CDH8: variants seen among roughly 807,000 people sequenced by gnomAD.
The protein encoded by CDH8 is cadherin 8, also known as cadherin-8.
A neutral mutation model predicts 68.1 loss-of-function variants in CDH8; 17 were observed. The ratio of observed to expected loss-of-function variants is 0.25; its 90% CI spans 0.17 to 0.37. The LOEUF (loss-of-function observed/expected upper bound fraction) is 0.37. CDH8 is among the 10% of genes least tolerant of loss of function. CDH8 has a pLI of 1.00. For synonymous variants in CDH8, 372 were observed against 365.1 expected, an observed-to-expected ratio of 1.02 and a Z score of -0.21; for missense variants, 763 against 999.3, an observed-to-expected ratio of 0.76 and a Z score of 3.19.
intron 8 of CDH8, among the ~76,000 whole-genome samples, chr16:61,786,905 G>T (rs1294739447): frequency 2.2e-5 from 1 of 45,176 alleles, no homozygotes; most frequent in Non-Finnish European, 4.2e-5. Context: ...AGCTGAAACT[G>T]GATCCCTTCC....
chr16:61,743,859 T>C (rs1423950002), intron 8 of CDH8, among the ~76,000 whole-genome samples: 1 of 152,192 alleles, frequency 6.6e-6, no homozygotes, highest in Non-Finnish European at 1.5e-5. Flanking sequence ...TTGCTATCAT[T>C]CATTTTTTAA....
At chr16:61,753,223 C>T (rs8061672) in intron 8 of CDH8, among the ~76,000 whole-genome samples, 85,148 of 151,156 alleles carry the variant, frequency 0.56, 26,233 homozygotes, top group African/African-American at 0.83. Flanking sequence ...TTATTATTGA[C>T]GCTTGATATT....
chr16:62,030,495 G>A (rs999406724), intron 1 of CDH8, among the ~76,000 whole-genome samples: 35 of 151,912 alleles, frequency 2.3e-4, no homozygotes, highest in African/African-American at 6.8e-4. Context: ...ATGTGCCTTC[G>A]TACTTTATAA....
At chr16:61,799,646 T>C (rs1260074076) in intron 7 of CDH8, among the ~76,000 whole-genome samples, 3 of 152,128 alleles carry the variant, frequency 2.0e-5, no homozygotes, top group Admixed American at 2.0e-4. Context: ...AGGATGGTGA[T>C]ATTTGATTAT....
At chr16:61,815,854 G>A (rs369863462) in intron 7 of CDH8, among the ~76,000 whole-genome samples, 1 of 152,032 alleles carries the variant, frequency 6.6e-6, no homozygotes, top group East Asian at 1.9e-4. Flanking sequence ...GAACAGGGCA[G>A]ATTCATCCAC....
intron 8 of CDH8, among the ~76,000 whole-genome samples, chr16:61,744,679 A>C (rs564466161): frequency 1.3e-5 from 2 of 151,542 alleles, no homozygotes; most frequent in South Asian, 4.2e-4. Flanking sequence ...CCATTTCCCC[A>C]TTATTATATT....
chr16:61,703,511 T>C (rs1964471789), intron 10 of CDH8, among the ~76,000 whole-genome samples: 2 of 152,204 alleles, frequency 1.3e-5, no homozygotes, highest in African/African-American at 4.8e-5. Flanking sequence ...AAGTTACTTT[T>C]TATTTCTTTA....
intron 10 of CDH8, among the ~76,000 whole-genome samples, chr16:61,671,370 A>G (rs1963790589): frequency 6.6e-6 from 1 of 151,372 alleles, no homozygotes; most frequent in Non-Finnish European, 1.5e-5. Context: ...GGAAGCTATT[A>G]TGCTCTGGAT....
rs1156492611 is a variant in CDH8, at chr16:61,960,332, T to TAC, written c.253-58861_253-58860dup. Among the ~76,000 whole-genome samples, 2 of 72,340 alleles carry TAC rather than the reference T, an allele frequency of 2.8e-5. 1 individual carries two copies. Among genetic ancestry groups the TAC allele is most frequent in the African/African-American group, 1.9e-4 (2 of 10,744 alleles). The allele number at this position is 72,340 out of a possible 152,430, so 47.5% of individuals were successfully genotyped here. The stretch of plus-strand genomic sequence containing the variant: ...ACACACATATATACGTGTGTGTGTA[T>TAC]ACACACATATATACATGTGTGTGTG... On this transcript the variant is annotated intron_variant, in intron 2 of 11. Transcript: ENST00000577390.
At chr16:61,897,275 C>T (rs921586684) in intron 3 of CDH8, among the ~76,000 whole-genome samples, 6 of 151,192 alleles carry the variant, frequency 4.0e-5, no homozygotes, top group Admixed American at 6.6e-5. Flanking sequence ...TTTTTTGAGA[C>T]GGAGTCTCGC....
At chr16:62,021,099 A>C in intron 2 of CDH8, 53 bp downstream of exon 2, 1 of 1,477,300 alleles carries the variant, frequency 6.8e-7, no homozygotes, top group Non-Finnish European at 9.4e-7. Flanking sequence ...GGTATTAAAC[A>C]TCTTAAGACC....
intron 8 of CDH8, among the ~76,000 whole-genome samples, chr16:61,759,999 A>C (rs1051349824): frequency 6.6e-6 from 1 of 152,036 alleles, no homozygotes; most frequent in Non-Finnish European, 1.5e-5. Context: ...AAACATGGAC[A>C]CCATGAAACA....
chr16:61,681,329 A>G (rs1484784431), intron 10 of CDH8, among the ~76,000 whole-genome samples: 1 of 151,920 alleles, frequency 6.6e-6, no homozygotes, highest in African/African-American at 2.4e-5. Flanking sequence ...ACACAATGCA[A>G]TACTATTTGG....
At chr16:61,817,866 TC>T in intron 6 of CDH8, 134 bp from the exon 7 acceptor site, 1 of 720,580 alleles carries the variant, frequency 1.4e-6, no homozygotes, top group Non-Finnish European at 2.2e-6. Flanking sequence ...CACTCTCCAG[TC>T]CCCCAGATTC....
rs1963252943 is a variant in CDH8 at position 61,648,544 on chromosome 16, A to G, written c.*5064T>C. On this transcript the variant is annotated 3_prime_UTR_variant, in exon 12 of 12. Transcript: ENST00000577390. ...ATTACAGAGATAACTGTTTAGTTGAAAGTTAAGGGGATTTAGTGTCAGATC... is the reference window on the plus strand; with the variant it reads ...ATTACAGAGATAACTGTTTAGTTGAGAGTTAAGGGGATTTAGTGTCAGATC... The G allele has an allele frequency of 6.6e-6, 1 of 151,902 alleles. No individual in the cohort carries two copies. Among genetic ancestry groups the G allele is most frequent in the Non-Finnish European group, 1.5e-5 (1 of 67,886 alleles). 9.4% of individuals were successfully genotyped at this position (151,902 alleles called of 1,614,324 possible).
intron 4 of CDH8, among the ~76,000 whole-genome samples, chr16:61,828,220 C>T (rs1226779742): frequency 6.6e-6 from 1 of 151,832 alleles, no homozygotes; most frequent in Non-Finnish European, 1.5e-5. Flanking sequence ...AATGCCACGG[C>T]AACTTCAGAA....
At chr16:61,706,811 A>G (rs1014508584) in intron 10 of CDH8, among the ~76,000 whole-genome samples, 17 of 152,164 alleles carry the variant, frequency 1.1e-4, no homozygotes, top group African/African-American at 3.4e-4. Flanking sequence ...CAAGACTTTC[A>G]TAAGCTATGT....
At chr16:61,770,597 T>C (rs1271238009) in intron 8 of CDH8, among the ~76,000 whole-genome samples, 2 of 151,946 alleles carry the variant, frequency 1.3e-5, no homozygotes, top group African/African-American at 4.8e-5. Context: ...TATCCAAAAC[T>C]TCCTGGATGG....
intron 2 of CDH8, among the ~76,000 whole-genome samples, chr16:61,950,516 G>A (rs574488808): frequency 1.3e-5 from 2 of 152,260 alleles, no homozygotes; most frequent in African/African-American, 4.8e-5. Flanking sequence ...CTGCTTAATG[G>A]CTTTGTGACA....
Sources: allele counts gnomAD v4.1 joint callset (sites outside exome capture counted in the v4.1 genomes callset), GRCh38; gene constraint gnomAD v4.1.1; transcripts MANE v1.5; gene names NCBI Gene and HGNC (gene_info 2026-07-23, HGNC 2026-07-21).